PAPLN: variants seen among roughly 807,000 people sequenced by gnomAD.
PAPLN encodes papilin, proteoglycan like sulfated glycoprotein.
A neutral mutation model predicts 159.0 loss-of-function variants in PAPLN; 146 were observed. The ratio of observed to expected loss-of-function variants is 0.92; its 90% CI spans 0.80 to 1.05. The LOEUF (loss-of-function observed/expected upper bound fraction) is 1.05, where lower values mean the gene tolerates loss of function less well. Ranked by LOEUF, PAPLN falls within the 50% of genes least tolerant of loss-of-function variation. The pLI, the probability that PAPLN is intolerant of heterozygous loss-of-function variation, is 0.00. For missense variants in PAPLN, 1,720 were observed against 1,743.9 expected (o/e 0.99, Z 0.24); for synonymous variants, 734 against 702.9 (o/e 1.04, Z -0.70).
intron 2 of PAPLN, 74 bp downstream of exon 2, chr14:73,239,906 GC>G: frequency 6.8e-7 from 1 of 1,480,620 alleles, no homozygotes; most frequent in Non-Finnish European, 8.9e-7. Flanking sequence ...GGGCCCGCAG[GC>G]AACGTCCCCA....
In PAPLN at chr14:73,265,420, A is replaced by T. The variant is rs771525061; in HGVS notation, c.3176A>T (p.Gln1059Leu). 1.6e-5 allele frequency: 25 copies of T among 1,612,822 alleles called. No homozygotes were observed. The South Asian group carries it at 2.4e-4, about 16-fold the overall frequency. Reference sequence around the variant, plus strand: ...CGGGTGGTGGATGCCAGTCCAGGCCAGCGGATCCGGATGACCTGCCGTGCC... The same window carrying T: ...CGGGTGGTGGATGCCAGTCCAGGCCTGCGGATCCGGATGACCTGCCGTGCC... The part of the protein sequence containing the change: ...QPRVVDASPG[Q>L]RIRMTCRAEG... The change falls in exon 23 of 27, where the codon CAG becomes CTG. Residue 1059 changes from glutamine (Q) to leucine (L), a missense_variant. Physicochemically the swap from Gln to Leu is moderately radical, Grantham distance 113 (BLOSUM62 -2). Coordinates refer to ENST00000644200, the MANE Select transcript of PAPLN (RefSeq NM_001365906.3). This position sits in a 1 kb window ranked among gnomAD's most constrained non-coding sequence, Gnocchi z 4.1.
At chr14:73,253,594 A>AG (rs1050603953) in intron 11 of PAPLN, among the ~76,000 whole-genome samples, 160 bp from the exon 12 acceptor site, 13 of 152,248 alleles carry the variant, frequency 8.5e-5, no homozygotes, top group African/African-American at 3.1e-4. Flanking sequence ...GGGGATGCTA[A>AG]GGAGCGCCTG....
chr14:73,257,512 G>A (rs1242239145), intron 14 of PAPLN, among the ~76,000 whole-genome samples: 1 of 151,850 alleles, frequency 6.6e-6, no homozygotes, highest in African/African-American at 2.4e-5. Context: ...AATATTTTGT[G>A]ACGAAAAATC....
Position 73,263,639 on chromosome 14 carries a change from C to CTCCAGGAT in PAPLN, c.2724-4_2727dup. ...AGTCAGCAGATCTCACTTCCCACCT[C>CTCCAGGAT]TCCAGGATTAGCTTGGCAGGTGTGG... is the stretch of plus-strand genomic sequence containing the variant. On this transcript the variant is annotated splice_region_variant and splice_polypyrimidine_tract_variant and intron_variant, in intron 19 of 26. Coordinates refer to ENST00000644200, the MANE Select transcript of PAPLN (RefSeq NM_001365906.3). 4.3e-6 allele frequency: 7 copies of CTCCAGGAT among 1,613,728 alleles called. No individual in the cohort carries two copies. Among genetic ancestry groups the CTCCAGGAT allele is most frequent in the Non-Finnish European group, 5.9e-6 (7 of 1,179,994 alleles).
chr14:73,263,975 G>GGT (rs1224552177), intron 20 of PAPLN, 193 bp downstream of exon 20: 7 of 1,415,066 alleles, frequency 4.9e-6, no homozygotes, highest in Non-Finnish European at 6.6e-6. Context: ...TCCTCTGACA[G>GGT]GTGTGTGTGA....
chr14:73,271,758 C>T (rs1306561876), intron 26 of PAPLN, among the ~76,000 whole-genome samples: 1 of 152,150 alleles, frequency 6.6e-6, no homozygotes, highest in Non-Finnish European at 1.5e-5. Flanking sequence ...CCTTGGCCTC[C>T]CAAAGTGCTG....
chr14:73,268,235 C>CT (rs1887405545), intron 25 of PAPLN: 1 of 260,134 alleles, frequency 3.8e-6, no homozygotes, highest in Non-Finnish European at 7.3e-6. Flanking sequence ...TGCTGACACA[C>CT]TATCTGGGTC....
At chr14:73,268,838 C>T (rs1887456052) in intron 26 of PAPLN, 115 bp downstream of exon 26, 3 of 1,281,114 alleles carry the variant, frequency 2.3e-6, no homozygotes, top group Admixed American at 6.3e-5. Flanking sequence ...CTCACCCTGC[C>T]AGTTGCTGGT....
chr14:73,268,409 T>G (rs1418583558), intron 25 of PAPLN, 148 bp from the exon 26 acceptor site: 4 of 778,262 alleles, frequency 5.1e-6, no homozygotes, highest in Non-Finnish European at 7.9e-6. Context: ...GAAACCTTGG[T>G]CATTCTTGAT....
At chr14:73,260,615 G>A (rs534884474) in intron 16 of PAPLN, 94 bp from the exon 17 acceptor site, 5 of 1,337,954 alleles carry the variant, frequency 3.7e-6, no homozygotes. Flanking sequence ...CACCCTGTCA[G>A]CCCCCACCAT....
At chr14:73,247,757 A>G (rs1884626285) in intron 5 of PAPLN, among the ~76,000 whole-genome samples, 1 of 102,126 alleles carries the variant, frequency 9.8e-6, no homozygotes, top group Non-Finnish European at 1.8e-5. Flanking sequence ...TGTTGTGCCG[A>G]TAGTGGCAGT....
chr14:73,252,171 A>G (rs2242610), intron 10 of PAPLN, 30 bp downstream of exon 10: 599,252 of 1,555,982 alleles, frequency 0.39, 121,659 homozygotes, highest in East Asian at 0.74. Context: ...AGGGGAGGGC[A>G]TGGGCCCTGT....
intron 18 of PAPLN, chr14:73,262,098 C>T (rs1250344279): frequency 4.4e-6 from 2 of 449,478 alleles, no homozygotes; most frequent in Non-Finnish European, 7.8e-6. Context: ...GAGCCCTGGC[C>T]CTGACCTCCC....
At chr14:73,248,783 C>T (rs1314050299) in intron 5 of PAPLN, among the ~76,000 whole-genome samples, 1 of 152,036 alleles carries the variant, frequency 6.6e-6, no homozygotes, top group Non-Finnish European at 1.5e-5. Flanking sequence ...GATCACACCA[C>T]TGCACTCCAG....
Position 73,266,837 on chromosome 14 carries a change from G to A in PAPLN, c.3500+6G>A. 6.2e-7 allele frequency: 1 copy of A among 1,605,518 alleles called. No individual in the cohort carries two copies. The highest frequency in any genetic ancestry group is 8.5e-7 in the Non-Finnish European group (1 of 1,175,766). ...GTGAACATCAGGTGGTCCAGGTAAA[G>A]GCTCTATTCCAAGTTGTCCCTGTCC... On this transcript the variant is annotated splice_donor_region_variant and intron_variant, in intron 25 of 26. Transcript: ENST00000644200.
chr14:73,251,911 G>A, intron 9 of PAPLN, 75 bp downstream of exon 9: 3 of 1,547,996 alleles, frequency 1.9e-6, no homozygotes, highest in Non-Finnish European at 2.6e-6. Flanking sequence ...TCTGTACATG[G>A]GGGGTTGAGT....
At position 73,264,805 on chromosome 14, in the gene PAPLN, C is replaced by T. The variant is rs150304508; in HGVS notation, c.3125+79C>T. 1.4e-4 allele frequency: 229 copies of T among 1,589,692 alleles called. No individual in the cohort carries two copies. In the African/African-American group the frequency reaches 2.6e-3, roughly 18 times the overall value. On this transcript the variant is annotated intron_variant, in intron 22 of 26. Transcript: ENST00000644200. ...GGGTCTCAGTGGATAAGGAGGGGAA[C>T]GTCTGCTGTGACCAGGCCTTGCCAG...
intron 26 of PAPLN, 53 bp from the exon 27 acceptor site, chr14:73,272,442 T>C: frequency 7.1e-7 from 1 of 1,417,734 alleles, no homozygotes. Flanking sequence ...GTGAGAATTT[T>C]CAGCATACAC....
At chr14:73,239,399 A>T (rs575527182) in intron 1 of PAPLN, among the ~76,000 whole-genome samples, 1 of 152,372 alleles carries the variant, frequency 6.6e-6, no homozygotes, top group African/African-American at 2.4e-5. Flanking sequence ...ATCTGATGTA[A>T]TAGCTTTTTT....
Sources: gnomAD v4.1 joint callset for allele counts (sites outside exome capture counted in the v4.1 genomes callset) on GRCh38, gnomAD v4.1.1 for gene constraint, Gnocchi (gnomAD v3.1) non-coding constraint, MANE v1.5 for transcripts, NCBI Gene and HGNC (gene_info 2026-07-23, HGNC 2026-07-21) for gene names.